TJP2: variants seen among roughly 807,000 people sequenced by gnomAD.
TJP2 encodes tight junction protein 2, also known as Friedreich ataxia region gene X104 (tight junction protein ZO-2).
In TJP2, 91 loss-of-function variants were observed where a neutral mutation model predicts 133.1. That is an observed-to-expected ratio of 0.68 (90% CI 0.58 to 0.81). TJP2 has a LOEUF of 0.81. Among genes scored for constraint, TJP2 ranks in the 40% least tolerant of loss-of-function variants. The pLI, the probability that TJP2 is intolerant of heterozygous loss-of-function variation, is 0.00. For missense variants in TJP2, 1,541 were observed against 1,565.6 expected, an observed-to-expected ratio of 0.98 and a Z score of 0.26; for synonymous variants, 592 against 583.4, an observed-to-expected ratio of 1.01 and a Z score of -0.21.
upstream of TJP2, among the ~76,000 whole-genome samples, chr9:69,172,032 C>T (rs1191481738): frequency 1.3e-5 from 2 of 152,024 alleles, no homozygotes; most frequent in Non-Finnish European, 2.9e-5. Context: ...CTTGACCTCG[C>T]GATCTGTCCG....
chr9:69,168,076 A>C (rs1158373453), intron 2 of TJP2, among the ~76,000 whole-genome samples: 4 of 152,200 alleles, frequency 2.6e-5, no homozygotes, highest in African/African-American at 9.7e-5. Flanking sequence ...AATCCTGAAG[A>C]CAGGTAGTCT....
upstream of TJP2, chr9:69,174,276 C>T (rs1824881849): frequency 2.6e-6 from 4 of 1,544,800 alleles, no homozygotes; most frequent in African/African-American, 1.4e-5. Flanking sequence ...GGCTGCGGGT[C>T]AGAGCACTGT....
At chr9:69,212,425 ACT>A in intron 1 of TJP2, 121 bp from the exon 2 acceptor site, 2 of 747,984 alleles carry the variant, frequency 2.7e-6, no homozygotes, top group Non-Finnish European at 2.4e-6. Flanking sequence ...ACAGATATTA[ACT>A]CTTTTTTGGT....
chr9:69,140,498 T>G (rs1020273659), intron 1 of TJP2, among the ~76,000 whole-genome samples: 5 of 152,182 alleles, frequency 3.3e-5, no homozygotes. Context: ...TCATGTGAAC[T>G]ACTCTCTCCA....
At chr9:69,143,951 A>C (rs896063788) in intron 1 of TJP2, among the ~76,000 whole-genome samples, 8 of 152,230 alleles carry the variant, frequency 5.3e-5, no homozygotes, top group African/African-American at 1.9e-4. Context: ...AATTTAAAAG[A>C]TATTAGTTCT....
intron 1 of TJP2, among the ~76,000 whole-genome samples, chr9:69,195,491 C>T (rs551432107): frequency 1.1e-4 from 16 of 152,014 alleles, no homozygotes; most frequent in South Asian, 1.0e-3. Flanking sequence ...TGACCAGGCA[C>T]CTGTTAGCTG....
chr9:69,161,916 G>A (rs1241136044), intron 2 of TJP2, among the ~76,000 whole-genome samples: 1 of 149,884 alleles, frequency 6.7e-6, no homozygotes, highest in African/African-American at 2.4e-5. Flanking sequence ...GCGTGGTGGT[G>A]CATGCCTGTA....
At position 69,252,819 on chromosome 9, in the gene TJP2, A is replaced by G; in HGVS notation, c.3326A>G (p.Glu1109Gly). The change falls in exon 22 of 23, where the codon GAA becomes GGA. Residue 1109 changes from glutamate to glycine, a missense_variant. Glu to Gly is a moderately conservative substitution (Grantham distance 98). Transcript: ENST00000377245. ...TTTCTTTTTTAATTACCACAGATCG[A>G]AATTGCCCAGAAGCATCCTGATATC... Reference protein sequence around the residue: ...ELQEAQNARIEIAQKHPDIYA... With the variant: ...ELQEAQNARIGIAQKHPDIYA... 5.0e-6 allele frequency: 8 copies of G among 1,614,154 alleles called. No homozygotes were observed. Among genetic ancestry groups the G allele is most frequent in the Non-Finnish European group, 6.8e-6 (8 of 1,180,026 alleles).
intron 1 of TJP2, among the ~76,000 whole-genome samples, chr9:69,128,476 G>A (rs1363985670): frequency 4.6e-5 from 7 of 151,658 alleles, no homozygotes; most frequent in African/African-American, 1.5e-4. Context: ...TTACTTCTCT[G>A]ATGGCTAATG....
chr9:69,205,869 A>G lies in TJP2; in HGVS notation c.61-6679A>G, dbSNP rs530533542. Among the ~76,000 whole-genome samples the G allele has an allele frequency of 2.6e-5, 4 of 152,286 alleles. No individual in the cohort carries two copies. In the South Asian group the frequency reaches 8.3e-4, roughly 32 times the overall value. ...TTCAGGGGGACTTTGGGCAGTGAACACTTCGGTATCTGTTTTGGGGTTGGC... is the reference window on the plus strand; with the variant it reads ...TTCAGGGGGACTTTGGGCAGTGAACGCTTCGGTATCTGTTTTGGGGTTGGC... On this transcript the variant is annotated intron_variant, in intron 1 of 22. Coordinates refer to ENST00000377245, the MANE Select transcript of TJP2 (RefSeq NM_004817.4).
intron 12 of TJP2, among the ~76,000 whole-genome samples, chr9:69,235,584 A>C (rs902113091): frequency 1.4e-4 from 22 of 152,174 alleles, no homozygotes; most frequent in African/African-American, 5.3e-4. Flanking sequence ...GGCCTCCCAA[A>C]GTGCTGGGAT....
chr9:69,204,133 A>G (rs1257216993), intron 1 of TJP2, among the ~76,000 whole-genome samples: 3 of 152,140 alleles, frequency 2.0e-5, no homozygotes, highest in South Asian at 2.1e-4. Context: ...AGTGTATCCA[A>G]CGCCCCACAG....
At position 69,221,290 on chromosome 9, in the gene TJP2, A is replaced by T; in HGVS notation, c.746A>T (p.Tyr249Phe). 2 of 1,607,440 alleles carry T rather than the reference A, an allele frequency of 1.2e-6. No homozygotes were observed. The highest frequency in any genetic ancestry group is 1.7e-6 in the Non-Finnish European group (2 of 1,177,368). ...RSRGRSIDQD[Y>F]ERAYHRAYDP... Reference sequence around the variant, plus strand: ...CGCGGCCGGAGCATTGACCAGGACTACGAGCGAGCCTATCACCGGGCCTAC... The same window carrying T: ...CGCGGCCGGAGCATTGACCAGGACTTCGAGCGAGCCTATCACCGGGCCTAC... Residue 249 changes from tyrosine to phenylalanine, a missense_variant, in exon 5 of 23, where the codon TAC becomes TTC. Physicochemically the swap from Tyr to Phe is conservative, Grantham distance 22. Transcript: ENST00000377245.
intron 1 of TJP2, chr9:69,145,799 G>C: frequency 8.1e-7 from 1 of 1,232,058 alleles, no homozygotes; most frequent in Admixed American, 4.2e-5. Flanking sequence ...GAAGACACGT[G>C]AACCTTTGGC....
At chr9:69,134,351 G>A (rs921756451) in intron 1 of TJP2, among the ~76,000 whole-genome samples, 4 of 152,206 alleles carry the variant, frequency 2.6e-5, no homozygotes, top group African/African-American at 2.4e-5. Flanking sequence ...TAGAGACTAA[G>A]CAGTGACACA....
intron 1 of TJP2, among the ~76,000 whole-genome samples, chr9:69,140,756 T>C (rs1822984506): frequency 6.6e-6 from 1 of 152,170 alleles, no homozygotes; most frequent in African/African-American, 2.4e-5. Context: ...ATCCTACAAT[T>C]CTAGGCTCAT....
At chr9:69,173,771 C>A (rs1461465305), upstream of TJP2, among the ~76,000 whole-genome samples, 1 of 152,186 alleles carries the variant, frequency 6.6e-6, no homozygotes, top group African/African-American at 2.4e-5. Context: ...CTGCGAACCT[C>A]GCCAAAAAGT....
chr9:69,139,416 T>G (rs1358628270), intron 1 of TJP2, among the ~76,000 whole-genome samples: 1 of 152,132 alleles, frequency 6.6e-6, no homozygotes, highest in East Asian at 1.9e-4. Context: ...CAATCTGTTC[T>G]TATAAGAGGA....
chr9:69,253,928 G>A (rs1831519705), intron 22 of TJP2: 1 of 479,620 alleles, frequency 2.1e-6, no homozygotes, highest in Non-Finnish European at 3.8e-6. Flanking sequence ...GACTAGCCAG[G>A]GAGCTTAGGG....
Sources: allele counts gnomAD v4.1 joint callset (sites outside exome capture counted in the v4.1 genomes callset), GRCh38; gene constraint gnomAD v4.1.1; transcripts MANE v1.5; gene names NCBI Gene and HGNC (gene_info 2026-07-23, HGNC 2026-07-21).